LAMP5: variants seen among roughly 807,000 people sequenced by gnomAD.
LAMP5 encodes the protein lysosome-associated membrane glycoprotein 5.
A neutral mutation model predicts 30.2 loss-of-function variants in LAMP5; 36 were observed. The ratio of observed to expected loss-of-function variants is 1.19; its 90% CI spans 0.91 to 1.57. The LOEUF (loss-of-function observed/expected upper bound fraction) is 1.57. Ranked by LOEUF, LAMP5 falls within the 40% of genes most tolerant of loss-of-function variation. LAMP5 has a pLI of 0.00. For missense variants in LAMP5, 377 were observed against 354.9 expected (o/e 1.06, Z -0.50); for synonymous variants, 149 against 134.6 (o/e 1.11, Z -0.74).
chr20:9,527,344 T>A (rs2045121260), intron 5 of LAMP5, among the ~76,000 whole-genome samples: 1 of 152,182 alleles, frequency 6.6e-6, no homozygotes, highest in South Asian at 2.1e-4. Context: ...CCTCAGAGGG[T>A]TGTTAACCAG....
At chr20:9,520,535 G>T (rs531180978) in intron 5 of LAMP5, among the ~76,000 whole-genome samples, 1 of 151,924 alleles carries the variant, frequency 6.6e-6, no homozygotes, top group Admixed American at 6.6e-5. Context: ...GGAATATCAC[G>T]TCATATATCT....
chr20:9,527,834 G>A (rs1354266098), intron 5 of LAMP5, among the ~76,000 whole-genome samples: 1 of 152,124 alleles, frequency 6.6e-6, no homozygotes, highest in Non-Finnish European at 1.5e-5. Flanking sequence ...GCACTATGAA[G>A]CTATCTTGAA....
chr20:9,522,052 G>A (rs568831672), intron 5 of LAMP5, among the ~76,000 whole-genome samples: 9 of 152,302 alleles, frequency 5.9e-5, no homozygotes, highest in Admixed American at 3.3e-4. Flanking sequence ...GAGGTGAAGC[G>A]AATTGGTGAA....
Position 9,516,334 on chromosome 20 carries a change from A to G in LAMP5, c.448A>G (p.Lys150Glu). ...GCAGTTTGTCTACGACTCCTCGGAG[A>G]AAACCCACTTCAAAGACGCAGTCAG... is the stretch of plus-strand genomic sequence containing the variant. ...KVQFVYDSSE[K>E]THFKDAVSAG... Residue 150 changes from lysine (K) to glutamate (E), a missense_variant, in exon 4 of 6, where the codon AAA becomes GAA. Coordinates refer to ENST00000246070, the MANE Select transcript of LAMP5 (RefSeq NM_012261.4). 6.2e-7 allele frequency: 1 copy of G among 1,614,138 alleles called. No individual in the cohort carries two copies. The highest frequency in any genetic ancestry group is 8.5e-7 in the Non-Finnish European group (1 of 1,180,012).
chr20:9,516,380 G>A lies in LAMP5; in HGVS notation c.475+19G>A. 1 of 1,582,986 alleles carries A rather than the reference G, an allele frequency of 6.3e-7. No homozygotes were observed. Among genetic ancestry groups the A allele is most frequent in the Non-Finnish European group, 8.7e-7 (1 of 1,151,730 alleles). ...GTCAGTGGTGAGTGGAGGCTGGCAT[G>A]GCTGGGGAGGGAGCCTGGGAACTCG... On this transcript the variant is annotated intron_variant, in intron 4 of 5. Coordinates refer to ENST00000246070, the MANE Select transcript of LAMP5 (RefSeq NM_012261.4).
intron 5 of LAMP5, among the ~76,000 whole-genome samples, chr20:9,529,135 G>C (rs189497693): frequency 1.3e-5 from 2 of 152,262 alleles, no homozygotes; most frequent in East Asian, 3.9e-4. Flanking sequence ...TGCTGGGTAT[G>C]TTTGTCTTTA....
chr20:9,515,939 T>C (rs1603167210), intron 2 of LAMP5, 61 bp from the exon 3 acceptor site: 2 of 1,434,098 alleles, frequency 1.4e-6, no homozygotes, highest in African/African-American at 1.4e-5. Context: ...CGCGCCGCCC[T>C]TTACAGCCCC....
At chr20:9,523,941 C>T (rs1376434138) in intron 5 of LAMP5, among the ~76,000 whole-genome samples, 1 of 152,204 alleles carries the variant, frequency 6.6e-6, no homozygotes, top group Admixed American at 6.5e-5. Context: ...AAATTTATAT[C>T]TTTATTTTCA....
intron 5 of LAMP5, among the ~76,000 whole-genome samples, chr20:9,521,322 G>A (rs948089058): frequency 6.6e-6 from 1 of 152,168 alleles, no homozygotes; most frequent in African/African-American, 2.4e-5. Flanking sequence ...GAACTCCAAG[G>A]CCCTGTCTTA....
chr20:9,527,157 C>T (rs1389378396), intron 5 of LAMP5, among the ~76,000 whole-genome samples: 1 of 151,944 alleles, frequency 6.6e-6, no homozygotes, highest in Admixed American at 6.6e-5. Flanking sequence ...CTTTCTGCTC[C>T]ACCTTGGGAT....
In LAMP5 at chr20:9,529,953, T is replaced by C; in HGVS notation, c.*133T>C. The C allele has an allele frequency of 1.1e-6, 1 of 883,882 alleles. No homozygotes were observed. The highest frequency in any genetic ancestry group is 3.6e-4 in the Middle Eastern group (1 of 2,770). The allele number at this position is 883,882 out of a possible 1,614,324, so 54.8% of individuals were successfully genotyped here. On this transcript the variant is annotated 3_prime_UTR_variant, in exon 6 of 6. Coordinates refer to ENST00000246070, the MANE Select transcript of LAMP5 (RefSeq NM_012261.4). ...CAAACAGGCCTGGGTATCTGAGGCT[T>C]GCTTGGCTTGTGTCCATGCTTAAAC... is the stretch of plus-strand genomic sequence containing the variant.
At chr20:9,528,307 T>C (rs1350686001) in intron 5 of LAMP5, among the ~76,000 whole-genome samples, 1 of 136,772 alleles carries the variant, frequency 7.3e-6, no homozygotes. Context: ...GGTGTGTGTG[T>C]GTGTGTGTGT....
At position 9,518,802 on chromosome 20, in the gene LAMP5, T is replaced by C. The variant is rs574704164; in HGVS notation, c.664+574T>C. ...TGCTGTGAGTCCGAGTTTCTGTGCA[T>C]CCAGAAGGCAGAGGGGGTGGGTGCG... On this transcript the variant is annotated intron_variant, in intron 5 of 5. Transcript: ENST00000246070. Among the ~76,000 whole-genome samples the C allele has an allele frequency of 4.6e-5, 7 of 152,340 alleles. No homozygotes were observed. In the South Asian group the frequency reaches 1.5e-3, roughly 32 times the overall value.
At chr20:9,525,481 G>T (rs990636169) in intron 5 of LAMP5, among the ~76,000 whole-genome samples, 4 of 152,172 alleles carry the variant, frequency 2.6e-5, no homozygotes, top group Non-Finnish European at 5.9e-5. Flanking sequence ...GGGTTGGACA[G>T]TGGAAGATCT....
At chr20:9,524,235 T>C (rs1419842050) in intron 5 of LAMP5, among the ~76,000 whole-genome samples, 1 of 152,214 alleles carries the variant, frequency 6.6e-6, no homozygotes, top group African/African-American at 2.4e-5. Flanking sequence ...ATTGTATGTA[T>C]TTTATTTTTT....
In LAMP5 at chr20:9,518,192, C is replaced by T. The variant is rs753204090; in HGVS notation, c.628C>T (p.Pro210Ser). Residue 210 changes from proline to serine, a missense_variant, in exon 5 of 6, where the codon CCT (proline) becomes TCT (serine). Transcript: ENST00000246070. ...GATCCTGTCTGCGGTCCACATCCAA[C>T]CTTTTGACATTATCTCAGATTTTGT... ...TMILSAVHIQ[P>S]FDIISDFVFS... 2.3e-5 allele frequency: 37 copies of T among 1,614,158 alleles called. No homozygotes were observed. Among genetic ancestry groups the T allele is most frequent in the Non-Finnish European group, 2.9e-5 (34 of 1,180,024 alleles).
chr20:9,522,297 A>C (rs2045084312), intron 5 of LAMP5, among the ~76,000 whole-genome samples: 1 of 152,210 alleles, frequency 6.6e-6, no homozygotes, highest in African/African-American at 2.4e-5. Context: ...GTGTTAGTGT[A>C]AATGAACATG....
chr20:9,523,927 G>A (rs1014328537), intron 5 of LAMP5, among the ~76,000 whole-genome samples: 1 of 152,226 alleles, frequency 6.6e-6, no homozygotes, highest in East Asian at 1.9e-4. Flanking sequence ...GAATTCAGAG[G>A]AAAAAATTTA....
rs767750230 is a variant in LAMP5 at position 9,516,227 on chromosome 20, G to A, written c.370-29G>A. The A allele has an allele frequency of 1.9e-6, 3 of 1,613,572 alleles. No individual in the cohort carries two copies. In the South Asian group the frequency reaches 3.3e-5, roughly 18 times the overall value. On this transcript the variant is annotated intron_variant, in intron 3 of 5. Transcript: ENST00000246070. The stretch of plus-strand genomic sequence containing the variant: ...TTAAGAACCCAGACGCTGCGGGGAC[G>A]ATTGAAGCGCACCTCCCCGGCTCAA...
Sources: gnomAD v4.1 joint callset for allele counts (sites outside exome capture counted in the v4.1 genomes callset) on GRCh38, gnomAD v4.1.1 for gene constraint, MANE v1.5 for transcripts, NCBI Gene and HGNC (gene_info 2026-07-23, HGNC 2026-07-21) for gene names.